Variants in CALD1 observed in about 807,000 individuals in gnomAD.
The protein encoded by CALD1 is caldesmon 1, also known as caldesmon.
A neutral mutation model predicts 99.9 loss-of-function variants in CALD1; 33 were observed. The ratio of observed to expected loss-of-function variants is 0.33; its 90% CI spans 0.25 to 0.44. The LOEUF (loss-of-function observed/expected upper bound fraction) is 0.44, where lower values mean the gene tolerates loss of function less well. CALD1 is among the 20% of genes least tolerant of loss of function. CALD1 has a pLI of 1.00. For synonymous variants in CALD1, 310 were observed against 325.0 expected (o/e 0.95, Z 0.50); for missense variants, 861 against 962.1 (o/e 0.89, Z 1.39).
chr7:134,812,820 T>G (rs2131939038), intron 1 of CALD1, among the ~76,000 whole-genome samples: 1 of 152,276 alleles, frequency 6.6e-6, no homozygotes, highest in South Asian at 2.1e-4. Flanking sequence ...TATATTTTTT[T>G]GGGAGTCAGG....
chr7:134,893,178 G>A (rs552792674), intron 3 of CALD1, among the ~76,000 whole-genome samples: 1 of 152,102 alleles, frequency 6.6e-6, no homozygotes, highest in South Asian at 2.1e-4. Context: ...TGTTTACTCT[G>A]CCATTTCCTG....
chr7:134,769,103 T>G (rs935016793), intron 1 of CALD1, among the ~76,000 whole-genome samples: 9 of 150,970 alleles, frequency 6.0e-5, no homozygotes, highest in Non-Finnish European at 8.8e-5. Flanking sequence ...ATTTATATAA[T>G]TAGATATTTA....
chr7:134,889,013 A>G (rs1563070254), intron 3 of CALD1, among the ~76,000 whole-genome samples: 1 of 152,176 alleles, frequency 6.6e-6, no homozygotes, highest in Non-Finnish European at 1.5e-5. Context: ...TTATGAACCT[A>G]TTCTGAATAT....
the CALD1 span, among the ~76,000 whole-genome samples, chr7:134,731,318 G>T: frequency 6.6e-6 from 1 of 152,096 alleles, no homozygotes; most frequent in Non-Finnish European, 1.5e-5. Flanking sequence ...TCTCCCTAAA[G>T]CAAGTTTCCC....
At chr7:134,920,867 G>T (rs1804568992) in intron 3 of CALD1, 1 of 390,182 alleles carries the variant, frequency 2.6e-6, no homozygotes, top group Non-Finnish European at 4.8e-6. Flanking sequence ...AAACAGACTT[G>T]GAAACTTTGA....
chr7:134,928,737 T>A lies in CALD1; in HGVS notation c.72-17T>A, dbSNP rs1430847168. 1 of 1,611,746 alleles carries A rather than the reference T, an allele frequency of 6.2e-7. No individual in the cohort carries two copies. Among genetic ancestry groups the A allele is most frequent in the Non-Finnish European group, 8.5e-7 (1 of 1,178,846 alleles). ...GGCAAGTGGCACGCTCAAGAGGTTG[T>A]CTTTGTAATGTTGCAGAATCGCCTA... is the stretch of plus-strand genomic sequence containing the variant. On this transcript the variant is annotated splice_polypyrimidine_tract_variant and intron_variant, in intron 3 of 14. Transcript: ENST00000361675.
At chr7:134,922,988 C>T (rs1804728299) in intron 3 of CALD1, among the ~76,000 whole-genome samples, 1 of 152,090 alleles carries the variant, frequency 6.6e-6, no homozygotes, top group South Asian at 2.1e-4. Context: ...GAAGAAAAGC[C>T]AATCCTCTCT....
rs372535005 is a variant in CALD1 at position 134,970,024 on chromosome 7, T to G, written c.*1679T>G. The G allele has an allele frequency of 6.6e-6, 1 of 152,470 alleles. No homozygotes were observed. Among genetic ancestry groups the G allele is most frequent in the East Asian group, 1.9e-4 (1 of 5,184 alleles). The allele number at this position is 152,470 out of a possible 1,614,324, so 9.4% of individuals were successfully genotyped here. A position where few individuals can be genotyped will look rare whatever the true frequency, so the allele number is the denominator to read the frequency against. On this transcript the variant is annotated 3_prime_UTR_variant, in exon 15 of 15. Transcript: ENST00000361675. The stretch of plus-strand genomic sequence containing the variant: ...CAGGGCTGGCATGAGAAGTGACATC[T>G]GCGTTACAAAGTCTATCTTCCTCAT...
intron 1 of CALD1, among the ~76,000 whole-genome samples, chr7:134,840,701 T>C (rs1586079485): frequency 6.6e-6 from 1 of 152,232 alleles, no homozygotes; most frequent in East Asian, 1.9e-4. Context: ...TATCCTGTCA[T>C]GGAAGGAGCT....
At chr7:134,836,143 CAAAA>C (rs377048601) in intron 1 of CALD1, among the ~76,000 whole-genome samples, 2 of 68,574 alleles carry the variant, frequency 2.9e-5, no homozygotes, top group Non-Finnish European at 5.8e-5. Flanking sequence ...GACTTCATCT[CAAAA>C]AAAAAAAAAA....
At chr7:134,735,305 T>C in the CALD1 span, among the ~76,000 whole-genome samples, 3 of 152,220 alleles carry the variant, frequency 2.0e-5, no homozygotes, top group African/African-American at 7.2e-5. Flanking sequence ...ATTCAAAATG[T>C]AGATACATTC....
At chr7:134,741,388 C>A (rs1192313976), upstream of CALD1, among the ~76,000 whole-genome samples, 2 of 152,108 alleles carry the variant, frequency 1.3e-5, no homozygotes, top group Non-Finnish European at 2.9e-5. Flanking sequence ...ATTCAATTAC[C>A]TCCCACCAGG....
chr7:134,858,588 T>C (rs1800420009), intron 2 of CALD1, among the ~76,000 whole-genome samples: 1 of 151,870 alleles, frequency 6.6e-6, no homozygotes, highest in South Asian at 2.1e-4. Context: ...CTCTTTTTTT[T>C]TTGAGACAGT....
At chr7:134,854,627 T>C (rs1453609043) in intron 2 of CALD1, among the ~76,000 whole-genome samples, 1 of 152,152 alleles carries the variant, frequency 6.6e-6, no homozygotes, top group Non-Finnish European at 1.5e-5. Flanking sequence ...TTTCTCAATT[T>C]AAGGTGGTCA....
intron 1 of CALD1, among the ~76,000 whole-genome samples, chr7:134,790,697 AAAAG>A (rs777178719): frequency 5.9e-4 from 90 of 152,222 alleles, no homozygotes; most frequent in Non-Finnish European, 1.0e-3. Flanking sequence ...TTAAATTAAA[AAAAG>A]AAAGAAAGAA....
At chr7:134,919,088 C>T (rs1272026956) in intron 3 of CALD1, among the ~76,000 whole-genome samples, 1 of 152,166 alleles carries the variant, frequency 6.6e-6, no homozygotes, top group East Asian at 1.9e-4. Context: ...TGATAAAAGT[C>T]TTTTTAGCTT....
chr7:134,723,904 T>G, the CALD1 span, among the ~76,000 whole-genome samples: 1 of 152,154 alleles, frequency 6.6e-6, no homozygotes, highest in Admixed American at 6.5e-5. Context: ...GTTTATTGAG[T>G]CTGAGAAAAG....
chr7:134,727,541 G>A, the CALD1 span, among the ~76,000 whole-genome samples: 2 of 152,228 alleles, frequency 1.3e-5, no homozygotes, highest in African/African-American at 4.8e-5. Context: ...TGAGCAGGAA[G>A]AACAAGCAAA....
chr7:134,777,282 T>C (rs1009220653), upstream of CALD1, among the ~76,000 whole-genome samples: 4 of 152,194 alleles, frequency 2.6e-5, no homozygotes, highest in Non-Finnish European at 4.4e-5. Context: ...ACTATATAGT[T>C]CCTCCATGAT....
Sources: gnomAD v4.1 joint callset for allele counts (sites outside exome capture counted in the v4.1 genomes callset) on GRCh38, gnomAD v4.1.1 for gene constraint, MANE v1.5 for transcripts, NCBI Gene and HGNC (gene_info 2026-07-23, HGNC 2026-07-21) for gene names.